Variants in TRPM4 observed in about 807,000 individuals in gnomAD.
The protein encoded by TRPM4 is calcium-activated non-selective cation channel 1.
A neutral mutation model predicts 135.6 loss-of-function variants in TRPM4; 124 were observed. The ratio of observed to expected loss-of-function variants is 0.91; its 90% confidence interval spans 0.79 to 1.06. TRPM4 has a LOEUF of 1.06. Among genes scored for constraint, TRPM4 ranks in the 50% least tolerant of loss-of-function variants. The probability of loss-of-function intolerance (pLI) is 0.00; values close to 1 mark genes in which losing one functional copy is unlikely to be tolerated. For synonymous variants in TRPM4, 745 were observed against 705.6 expected, an observed-to-expected ratio of 1.06 and a Z score of -0.88; for missense variants, 1,658 against 1,671.4, an observed-to-expected ratio of 0.99 and a Z score of 0.14.
At position 49,196,830 on chromosome 19, in the gene TRPM4, C is replaced by A; in HGVS notation, c.2601C>A (p.Cys867Ter). 1 of 1,591,682 alleles carries A rather than the reference C, an allele frequency of 6.3e-7. No individual in the cohort carries two copies. Residue 867 changes from cysteine to a stop codon, truncating the protein, a stop_gained, in exon 17 of 25, where the codon TGC (cysteine) becomes TGA (stop). Transcript: ENST00000252826. LOFTEE classifies it high-confidence loss of function. ...RLYLADSWNQ[C>*]DLVALTCFLL... is the part of the protein sequence containing the mutation. ...ACCTCGCCGACAGCTGGAACCAGTG[C>A]GACCTAGTGGCTCTCACCTGCTTCC...
At chr19:49,170,113 A>G (rs1384096235) in intron 6 of TRPM4, among the ~76,000 whole-genome samples, 1 of 152,240 alleles carries the variant, frequency 6.6e-6, no homozygotes, top group South Asian at 2.1e-4. Context: ...CAGTGATTTC[A>G]TTTTTTTGCA....
intron 19 of TRPM4, among the ~76,000 whole-genome samples, chr19:49,201,455 C>G (rs1367370938): frequency 6.6e-6 from 1 of 152,112 alleles, no homozygotes; most frequent in Non-Finnish European, 1.5e-5. Flanking sequence ...ATTGTGAGAG[C>G]TAAGAACATA....
chr19:49,163,528 G>A (rs1312181002), intron 2 of TRPM4, among the ~76,000 whole-genome samples: 5 of 151,966 alleles, frequency 3.3e-5, no homozygotes, highest in Non-Finnish European at 7.4e-5. Flanking sequence ...GTCTTGCTCT[G>A]TTGCCTAGCC....
At chr19:49,173,455 A>G (rs986180233) in intron 9 of TRPM4, among the ~76,000 whole-genome samples, 5 of 152,190 alleles carry the variant, frequency 3.3e-5, no homozygotes, top group Non-Finnish European at 7.3e-5. Flanking sequence ...CTGTTCTTCC[A>G]TCTATCCATC....
intron 10 of TRPM4, among the ~76,000 whole-genome samples, chr19:49,182,196 C>A (rs1472834458): frequency 2.7e-5 from 4 of 149,292 alleles, no homozygotes; most frequent in Admixed American, 1.3e-4. Context: ...ATCCATACAT[C>A]CATCCATCTA....
rs773584639 is a variant in TRPM4 at position 49,196,488 on chromosome 19, G to T, written c.2259G>T (p.Ser753=). Residue 753 remains serine (S), a synonymous_variant, in exon 17 of 25, where the codon TCG becomes TCT. Coordinates refer to ENST00000252826, the MANE Select transcript of TRPM4 (RefSeq NM_017636.4). ...CGCCGCTGGGGGTCCCGCGCCAGTC[G>T]GGCCGTCCGGGTTGCTGCGGGGGCC... ...EKTPLGVPRQ[S]GRPGCCGGRC... The T allele has an allele frequency of 4.5e-6, 7 of 1,554,736 alleles. No homozygotes were observed. The South Asian group carries it at 5.9e-5, about 13-fold the overall frequency.
At chr19:49,162,887 G>A (rs1156986301) in intron 2 of TRPM4, among the ~76,000 whole-genome samples, 1 of 151,320 alleles carries the variant, frequency 6.6e-6, no homozygotes, top group Non-Finnish European at 1.5e-5. Flanking sequence ...TCAGCCTCCC[G>A]AGTAGCTGGG....
chr19:49,189,203 T>C, intron 14 of TRPM4, 112 bp downstream of exon 14: 2 of 1,472,204 alleles, frequency 1.4e-6, no homozygotes, highest in Non-Finnish European at 1.9e-6. Flanking sequence ...CCACTCTCCC[T>C]GGAGATCCCC....
Position 49,168,310 on chromosome 19 carries a change from G to A in TRPM4, c.499G>A (p.Gly167Ser). The A allele has an allele frequency of 6.2e-7, 1 of 1,614,136 alleles. No individual in the cohort carries two copies. The highest frequency in any genetic ancestry group is 8.5e-7 in the Non-Finnish European group (1 of 1,180,042). ...GLHTGIGRHV[G>S]VAVRDHQMAS... ...GCACACGGGCATCGGCCGGCATGTT[G>A]GTGTGGCTGTACGGGACCATCAGAT... The change falls in exon 5 of 25, where the codon GGT becomes AGT. Residue 167 changes from glycine to serine, a missense_variant. Transcript: ENST00000252826.
chr19:49,205,328 G>A (rs924027095), intron 20 of TRPM4, among the ~76,000 whole-genome samples: 3 of 151,920 alleles, frequency 2.0e-5, no homozygotes, highest in Admixed American at 6.6e-5. Flanking sequence ...TTCTAGTTGC[G>A]TCATTGAAAC....
At chr19:49,170,436 G>A (rs982387757) in intron 6 of TRPM4, among the ~76,000 whole-genome samples, 3 of 152,010 alleles carry the variant, frequency 2.0e-5, no homozygotes, top group Non-Finnish European at 4.4e-5. Flanking sequence ...TGATCCACCC[G>A]CCTCGGCCTC....
At chr19:49,168,170 C>T in intron 4 of TRPM4, 73 bp downstream of exon 4, 1 of 1,587,954 alleles carries the variant, frequency 6.3e-7, no homozygotes, top group Non-Finnish European at 8.6e-7. Flanking sequence ...CTGTGGGTGG[C>T]CTCCCCCGCC....
chr19:49,160,483 CAAA>C (rs555159944), intron 2 of TRPM4, among the ~76,000 whole-genome samples: 15 of 67,848 alleles, frequency 2.2e-4, no homozygotes, highest in African/African-American at 3.3e-4. Context: ...GACTCCATCT[CAAA>C]AAAAAAAAAA....
At position 49,196,417 on chromosome 19, in the gene TRPM4, CCTTCT is replaced by C. The variant is rs1568484186; in HGVS notation, c.2211-13_2211-9del. ...TCAGAGGTCAGAGTGAGGCCTCCTCCCTTCTCTTCTCTTCCCCCACAGGACGGCGG... is the reference window on the plus strand; with the variant it reads ...TCAGAGGTCAGAGTGAGGCCTCCTCCCTTCTCTTCCCCCACAGGACGGCGG... On this transcript the variant is annotated intron_variant, in intron 16 of 24. Coordinates refer to ENST00000252826, the MANE Select transcript of TRPM4 (RefSeq NM_017636.4). 9 of 1,522,108 alleles carry C rather than the reference CCTTCT, an allele frequency of 5.9e-6. No individual in the cohort carries two copies. The highest frequency in any genetic ancestry group is 7.0e-6 in the Non-Finnish European group (8 of 1,137,366). 94.3% of individuals were successfully genotyped at this position (1,522,108 alleles called of 1,614,324 possible). A position where few individuals can be genotyped will look rare whatever the true frequency, so the allele number is the denominator to read the frequency against.
At chr19:49,181,289 C>A in intron 9 of TRPM4, 60 bp from the exon 10 acceptor site, 1 of 1,270,578 alleles carries the variant, frequency 7.9e-7, no homozygotes, top group Non-Finnish European at 1.2e-6. Flanking sequence ...GCAAAATAGA[C>A]ATTCAGCAGA....
chr19:49,188,249 G>C (rs7255702), intron 12 of TRPM4, among the ~76,000 whole-genome samples: 15 of 152,078 alleles, frequency 9.9e-5, no homozygotes, highest in Non-Finnish European at 1.8e-4. Flanking sequence ...AGATGGAGTC[G>C]GTTAGGTCTG....
chr19:49,179,402 A>G (rs1351119484), intron 9 of TRPM4, among the ~76,000 whole-genome samples: 3 of 135,694 alleles, frequency 2.2e-5, no homozygotes, highest in Non-Finnish European at 3.2e-5. Flanking sequence ...CCAGGCTGGA[A>G]TGCAGTGACG....
At chr19:49,208,393 C>T (rs537906019) in intron 20 of TRPM4, among the ~76,000 whole-genome samples, 43 of 152,130 alleles carry the variant, frequency 2.8e-4, no homozygotes, top group African/African-American at 8.2e-4. Flanking sequence ...TTGGCACTGA[C>T]GCTACCTCTA....
rs572319815 is a variant in TRPM4 at position 49,203,391 on chromosome 19, G to C, written c.3131+1250G>C. Among the ~76,000 whole-genome samples the C allele has an allele frequency of 3.3e-5, 5 of 151,912 alleles. No individual in the cohort carries two copies. The South Asian group carries it at 1.0e-3, about 32-fold the overall frequency. On this transcript the variant is annotated intron_variant, in intron 20 of 24. Coordinates refer to ENST00000252826, the MANE Select transcript of TRPM4 (RefSeq NM_017636.4). ...AGATGGGGTTTCACCGTGTTAGCCAGGATGGTTTCGATCTCCTGACCTTGT... is the reference window on the plus strand; with the variant it reads ...AGATGGGGTTTCACCGTGTTAGCCACGATGGTTTCGATCTCCTGACCTTGT...
Sources: gnomAD v4.1 joint callset for allele counts (sites outside exome capture counted in the v4.1 genomes callset) on GRCh38, gnomAD v4.1.1 for gene constraint, MANE v1.5 for transcripts, NCBI Gene and HGNC (gene_info 2026-07-23, HGNC 2026-07-21) for gene names.